The following STK38L variants were observed in gnomAD, a reference collection of about 807,000 sequenced individuals.
STK38L encodes the protein serine/threonine-protein kinase 38-like.
STK38L carries 28 observed loss-of-function variants against 59.7 expected under a neutral mutation model. That is an observed-to-expected ratio of 0.47 (90% CI 0.35 to 0.64). The LOEUF (loss-of-function observed/expected upper bound fraction) is 0.64. STK38L is among the 30% of genes least tolerant of loss of function. STK38L has a pLI of 0.01. For missense variants in STK38L, 314 were observed against 555.8 expected, an observed-to-expected ratio of 0.56 and a Z score of 4.37; for synonymous variants, 162 against 176.8, an observed-to-expected ratio of 0.92 and a Z score of 0.66.
intron 1 of STK38L, among the ~76,000 whole-genome samples, chr12:27,252,698 G>A (rs569822696): frequency 6.6e-6 from 1 of 152,290 alleles, no homozygotes; most frequent in African/African-American, 2.4e-5. Context: ...TAGACAAACA[G>A]AATAGACTTT....
chr12:27,252,893 T>C (rs1943007936), intron 1 of STK38L, among the ~76,000 whole-genome samples: 1 of 152,162 alleles, frequency 6.6e-6, no homozygotes, highest in South Asian at 2.1e-4. Context: ...CATGGCAAAA[T>C]AGAGACAAAT....
chr12:27,257,285 GGA>G (rs1445263013), intron 1 of STK38L, among the ~76,000 whole-genome samples: 1 of 152,190 alleles, frequency 6.6e-6, no homozygotes, highest in Non-Finnish European at 1.5e-5. Flanking sequence ...ATAACCTGAT[GGA>G]GAGTCTTTAT....
At chr12:27,285,193 CAG>C (rs1943746076) in intron 1 of STK38L, among the ~76,000 whole-genome samples, 1 of 152,060 alleles carries the variant, frequency 6.6e-6, no homozygotes, top group African/African-American at 2.4e-5. Flanking sequence ...TGATTTCTTT[CAG>C]GGGGTGGTTT....
rs765237975 is a variant in STK38L, at chr12:27,317,878, G to T, written c.956-18G>T. 5.7e-5 allele frequency: 91 copies of T among 1,610,380 alleles called. 2 individuals carry two copies. In the South Asian group the frequency reaches 9.0e-4, roughly 16 times the overall value. ...CTCACAAAGCTGATGAAACATTTTT[G>T]ATTTATTTGATACATAGGATATCCA... On this transcript the variant is annotated intron_variant, in intron 10 of 13. Coordinates refer to ENST00000389032, the MANE Select transcript of STK38L (RefSeq NM_015000.4).
At chr12:27,303,117 G>C (rs1410814202) in intron 3 of STK38L, among the ~76,000 whole-genome samples, 1 of 151,562 alleles carries the variant, frequency 6.6e-6, no homozygotes, top group East Asian at 1.9e-4. Context: ...TGACAAGTAT[G>C]AATTTCTTTG....
At position 27,308,943 on chromosome 12, in the gene STK38L, A is replaced by ATATATAAATATATATT. The variant is rs1415162061; in HGVS notation, c.310-165_310-164insAATATATATTTATATA. Among the ~76,000 whole-genome samples, 2 of 144,050 alleles carry ATATATAAATATATATT rather than the reference A, an allele frequency of 1.4e-5. No homozygotes were observed. Among genetic ancestry groups the ATATATAAATATATATT allele is most frequent in the Non-Finnish European group, 1.5e-5 (1 of 65,072 alleles). The allele number at this position is 144,050 out of a possible 152,430, so 94.5% of individuals were successfully genotyped here. On this transcript the variant is annotated intron_variant, in intron 4 of 13. Coordinates refer to ENST00000389032, the MANE Select transcript of STK38L (RefSeq NM_015000.4). The surrounding 1 kb of genome is among the most constrained non-coding windows in gnomAD (Gnocchi z 4.5). Reference sequence around the variant, plus strand: ...TAATATATATAAAATATATATAAATATATATATAACATATATAAAAATATA... The same window carrying ATATATAAATATATATT: ...TAATATATATAAAATATATATAAATATATATAAATATATATTTATATATAACATATATAAAAATATA...
At chr12:27,269,724 C>T (rs1159759507) in intron 1 of STK38L, among the ~76,000 whole-genome samples, 1 of 152,178 alleles carries the variant, frequency 6.6e-6, no homozygotes, top group Non-Finnish European at 1.5e-5. Context: ...CTCACTGCAA[C>T]CTTTGCCTCC....
chr12:27,319,300 T>C (rs1308071154), intron 11 of STK38L, 28 bp from the exon 12 acceptor site: 2 of 1,464,932 alleles, frequency 1.4e-6, no homozygotes, highest in South Asian at 2.3e-5. Context: ...AACTTGTGTA[T>C]GATAATTTCT....
At chr12:27,306,876 G>A (rs1785118146) in intron 3 of STK38L, among the ~76,000 whole-genome samples, 1 of 152,058 alleles carries the variant, frequency 6.6e-6, no homozygotes, top group African/African-American at 2.4e-5. Context: ...GAGTACAGGT[G>A]CATGCCACCA....
chr12:27,259,994 T>C (rs1466589196), intron 1 of STK38L, among the ~76,000 whole-genome samples: 1 of 152,228 alleles, frequency 6.6e-6, no homozygotes, highest in Admixed American at 6.5e-5. Flanking sequence ...CTCTGTTTCT[T>C]ATATCAAGTT....
intron 9 of STK38L, among the ~76,000 whole-genome samples, chr12:27,316,195 T>C (rs1347287985): frequency 6.6e-6 from 1 of 152,234 alleles, no homozygotes; most frequent in Non-Finnish European, 1.5e-5. Flanking sequence ...TATTATCTCA[T>C]TAACCTAAGT....
rs1318225136 is a variant in STK38L at position 27,318,001 on chromosome 12, C to T, written c.1061C>T (p.Ala354Val). ...CCAGAGGTACCTATATCTGAGAAAG[C>T]CAAGGACTTAATTCTCAGGTTAGTG... ...FPPEVPISEK[A>V]KDLILRFCID... Residue 354 changes from alanine (A) to valine (V), a missense_variant, in exon 11 of 14, where the codon GCC becomes GTC. Transcript: ENST00000389032. 2 of 1,613,908 alleles carry T rather than the reference C, an allele frequency of 1.2e-6. No individual in the cohort carries two copies. The highest frequency in any genetic ancestry group is 4.5e-5 in the East Asian group (2 of 44,862).
chr12:27,264,099 AG>A (rs1019948877), intron 1 of STK38L, among the ~76,000 whole-genome samples: 4 of 152,216 alleles, frequency 2.6e-5, no homozygotes, highest in African/African-American at 9.6e-5. Context: ...TTAAATGGCT[AG>A]GGTGGGGCCA....
intron 1 of STK38L, among the ~76,000 whole-genome samples, chr12:27,295,013 C>T (rs1943982819): frequency 6.6e-6 from 1 of 152,174 alleles, no homozygotes; most frequent in Non-Finnish European, 1.5e-5. Flanking sequence ...TTTGACCTTT[C>T]TGCATCTGAT....
In STK38L at chr12:27,249,035, TA is replaced by T. The variant is rs550629292; in HGVS notation, c.-12+4708del. 2.5e-3 allele frequency among the ~76,000 whole-genome samples: 379 copies of T among 152,284 alleles called. 1 individual carries two copies. Among genetic ancestry groups the T allele is most frequent in the African/African-American group, 8.9e-3 (369 of 41,556 alleles). ...AGGTGGTTTGGGAAGATTGTCTTAG[TA>T]AAAAGGTGTGTGAGTAGGTCTATCA... On this transcript the variant is annotated intron_variant, in intron 1 of 13. Transcript: ENST00000389032.
chr12:27,259,877 CTG>C (rs1312504337), intron 1 of STK38L, among the ~76,000 whole-genome samples: 3 of 152,078 alleles, frequency 2.0e-5, no homozygotes, highest in Non-Finnish European at 4.4e-5. Flanking sequence ...CTTTCTTTTT[CTG>C]TGTCTTTGAA....
chr12:27,268,995 G>A (rs1466374831), intron 1 of STK38L, among the ~76,000 whole-genome samples: 1 of 152,260 alleles, frequency 6.6e-6, no homozygotes, highest in African/African-American at 2.4e-5. Context: ...ATTTGTTTGG[G>A]TTCATTGTAG....
chr12:27,251,736 T>C (rs770743232), intron 1 of STK38L, among the ~76,000 whole-genome samples: 31 of 152,232 alleles, frequency 2.0e-4, no homozygotes, highest in Non-Finnish European at 3.8e-4. Flanking sequence ...TTTTCTAAAG[T>C]TTTAAGCCTT....
At chr12:27,251,251 G>C (rs926103644) in intron 1 of STK38L, among the ~76,000 whole-genome samples, 1 of 152,016 alleles carries the variant, frequency 6.6e-6, no homozygotes, top group Non-Finnish European at 1.5e-5. Flanking sequence ...ATTGTATTCT[G>C]ATTTCTTATA....
Sources: allele counts gnomAD v4.1 joint callset (sites outside exome capture counted in the v4.1 genomes callset), GRCh38; gene constraint gnomAD v4.1.1; non-coding constraint Gnocchi (gnomAD v3.1); transcripts MANE v1.5; gene names NCBI Gene and HGNC (gene_info 2026-07-23, HGNC 2026-07-21).